PRKG1: variants seen among roughly 807,000 people sequenced by gnomAD.
The protein encoded by PRKG1 is cGMP-dependent protein kinase 1.
PRKG1 carries 35 observed loss-of-function variants against 88.1 expected under a neutral mutation model. The observed-to-expected ratio is 0.40, with a 90% CI of 0.30 to 0.53. PRKG1 has a LOEUF of 0.53. Among genes scored for constraint, PRKG1 ranks in the 20% least tolerant of loss-of-function variants. The pLI is 0.59. For synonymous variants in PRKG1, 303 were observed against 292.5 expected (o/e 1.04, Z -0.37); for missense variants, 540 against 839.8 (o/e 0.64, Z 4.41).
At chr10:51,337,342 T>C (rs1196849829) in intron 2 of PRKG1, among the ~76,000 whole-genome samples, 1 of 152,118 alleles carries the variant, frequency 6.6e-6, no homozygotes, top group Non-Finnish European at 1.5e-5. Flanking sequence ...ATTCAGGACA[T>C]AGGCAAAGGC....
At chr10:51,770,204 T>C (rs1838268314) in intron 3 of PRKG1, among the ~76,000 whole-genome samples, 2 of 152,194 alleles carry the variant, frequency 1.3e-5, no homozygotes, top group Admixed American at 6.5e-5. Context: ...CTAGGCTTTG[T>C]GTTTTTTGGT....
At chr10:51,135,326 T>G (rs548749407) in intron 1 of PRKG1, among the ~76,000 whole-genome samples, 3 of 152,298 alleles carry the variant, frequency 2.0e-5, no homozygotes, top group Admixed American at 2.0e-4. Flanking sequence ...GAGAGAGTAT[T>G]CTTTTTGATA....
intron 5 of PRKG1, among the ~76,000 whole-genome samples, chr10:52,024,088 T>C (rs1424606924): frequency 6.6e-6 from 1 of 152,214 alleles, no homozygotes; most frequent in African/African-American, 2.4e-5. Flanking sequence ...TTGATTTTTG[T>C]ATAAGGTGTG....
intron 9 of PRKG1, among the ~76,000 whole-genome samples, chr10:52,181,565 C>A (rs1589679870): frequency 8.5e-6 from 1 of 117,504 alleles, no homozygotes; most frequent in East Asian, 2.6e-4. Context: ...GTATATCTCC[C>A]AAAGCTATCC....
chr10:52,245,801 A>G (rs1841009126), intron 9 of PRKG1, among the ~76,000 whole-genome samples: 1 of 121,956 alleles, frequency 8.2e-6, no homozygotes, highest in African/African-American at 2.9e-5. Context: ...TTATTTATTT[A>G]TTTGTTGGAG....
intron 3 of PRKG1, among the ~76,000 whole-genome samples, chr10:51,488,726 A>T (rs1840616646): frequency 6.6e-6 from 1 of 152,178 alleles, no homozygotes; most frequent in Non-Finnish European, 1.5e-5. Flanking sequence ...TAGACAAACT[A>T]GATAATAAAA....
At chr10:51,999,514 T>G (rs763726402) in intron 5 of PRKG1, among the ~76,000 whole-genome samples, 9 of 152,216 alleles carry the variant, frequency 5.9e-5, no homozygotes, top group Non-Finnish European at 1.2e-4. Context: ...TATTACTTTT[T>G]AAACATACCT....
chr10:51,159,833 G>A (rs1260461264), intron 2 of PRKG1, among the ~76,000 whole-genome samples: 1 of 152,158 alleles, frequency 6.6e-6, no homozygotes, highest in Admixed American at 6.5e-5. Flanking sequence ...AAAAAGGGAA[G>A]CATTCTGCAT....
At chr10:51,740,514 C>T (rs186577949) in intron 3 of PRKG1, among the ~76,000 whole-genome samples, 81 of 152,252 alleles carry the variant, frequency 5.3e-4, no homozygotes, top group Admixed American at 9.2e-4. Flanking sequence ...TTGCAAATCA[C>T]TTTAATATCT....
chr10:52,194,879 A>G (rs1839464379), intron 9 of PRKG1, among the ~76,000 whole-genome samples: 1 of 152,162 alleles, frequency 6.6e-6, no homozygotes, highest in African/African-American at 2.4e-5. Flanking sequence ...ATAAAACAGA[A>G]CCTTTTACTA....
intron 3 of PRKG1, among the ~76,000 whole-genome samples, chr10:51,791,546 T>C (rs749295347): frequency 1.3e-5 from 2 of 152,146 alleles, no homozygotes; most frequent in East Asian, 1.9e-4. Flanking sequence ...AACCCAGTCA[T>C]TTATTTAATC....
intron 4 of PRKG1, among the ~76,000 whole-genome samples, chr10:51,853,197 C>G (rs938437420): frequency 1.3e-5 from 2 of 152,164 alleles, no homozygotes; most frequent in African/African-American, 4.8e-5. Context: ...CACCACAGTA[C>G]TGACGTGATG....
chr10:51,993,254 T>C (rs2133132339), intron 5 of PRKG1, among the ~76,000 whole-genome samples: 1 of 152,268 alleles, frequency 6.6e-6, no homozygotes, highest in East Asian at 1.9e-4. Context: ...TCCAAGGTTT[T>C]TATTTCCTCT....
chr10:51,616,157 C>A (rs1839047910), intron 3 of PRKG1, among the ~76,000 whole-genome samples: 1 of 152,200 alleles, frequency 6.6e-6, no homozygotes, highest in Admixed American at 6.5e-5. Context: ...TTGCGGGGGA[C>A]TTGAATGCCA....
chr10:51,709,726 C>A (rs1245593070), intron 3 of PRKG1, among the ~76,000 whole-genome samples: 2 of 148,702 alleles, frequency 1.3e-5, no homozygotes, highest in Non-Finnish European at 3.0e-5. Context: ...CTGGAGTTTG[C>A]TGCCAAGGTC....
At chr10:51,578,980 GT>G (rs752412264) in intron 3 of PRKG1, among the ~76,000 whole-genome samples, 2,200 of 77,802 alleles carry the variant, frequency 0.028, 16 homozygotes, top group Non-Finnish European at 0.043. Flanking sequence ...AGTTCTGTTG[GT>G]TTTTTTTTTT....
rs541516424 is a variant in PRKG1 at position 50,999,620 on chromosome 10, A to G, written c.266+7976A>G. ...CTTATAGGGTTCTAAAAATAATTGT[A>G]TGTTTGCCTCTTGCAAATATTTGTG... On this transcript the variant is annotated intron_variant, in intron 1 of 17. Transcript: ENST00000401604. Among the ~76,000 whole-genome samples the G allele has an allele frequency of 5.6e-4, 86 of 152,312 alleles. 1 individual carries two copies. In the South Asian group the frequency reaches 0.017, roughly 30 times the overall value.
At chr10:52,027,799 A>ATTC (rs1051010156) in intron 5 of PRKG1, among the ~76,000 whole-genome samples, 2 of 151,712 alleles carry the variant, frequency 1.3e-5, no homozygotes, top group African/African-American at 4.9e-5. Flanking sequence ...TATTATTATT[A>ATTC]TTTATTTGAG....
chr10:51,817,347 A>ACC (rs367740899), intron 4 of PRKG1, among the ~76,000 whole-genome samples: 1,658 of 129,496 alleles, frequency 0.013, 42 homozygotes, highest in Non-Finnish European at 0.021. Context: ...TCCCTCCCCA[A>ACC]CCCCCCCCCT....
Sources: gnomAD v4.1 joint callset for allele counts (sites outside exome capture counted in the v4.1 genomes callset) on GRCh38, gnomAD v4.1.1 for gene constraint, MANE v1.5 for transcripts, NCBI Gene and HGNC (gene_info 2026-07-23, HGNC 2026-07-21) for gene names.